Variants in DTNA observed in about 807,000 individuals in gnomAD.
DTNA encodes dystrobrevin alpha, also known as dystrophin-related protein 3.
Under a neutral mutation model 100.7 loss-of-function variants are expected in DTNA, and 43 were observed. The observed-to-expected ratio is 0.43, with a 90% CI of 0.33 to 0.55. The LOEUF is 0.55. DTNA is among the 20% of genes least tolerant of loss of function. The pLI is 0.04. For missense variants in DTNA, 798 were observed against 953.9 expected (o/e 0.84, Z 2.15); for synonymous variants, 349 against 347.9 (o/e 1.00, Z -0.04).
intron 9 of DTNA, among the ~76,000 whole-genome samples, chr18:34,824,234 G>T (rs2095797491): frequency 6.6e-6 from 1 of 152,166 alleles, no homozygotes; most frequent in African/African-American, 2.4e-5. Context: ...CCAGCACTTG[G>T]GGAGGCTGAG....
chr18:34,581,117 C>T (rs184015420), intron 1 of DTNA, among the ~76,000 whole-genome samples: 19 of 152,168 alleles, frequency 1.2e-4, no homozygotes, highest in African/African-American at 3.6e-4. Context: ...GGTGTGGTGG[C>T]GTGCGCCTGT....
intron 1 of DTNA, among the ~76,000 whole-genome samples, chr18:34,580,239 C>A (rs2048487149): frequency 6.6e-6 from 1 of 151,962 alleles, no homozygotes; most frequent in African/African-American, 2.4e-5. Context: ...TTCATTATAT[C>A]TTTTTAACAT....
intron 1 of DTNA, among the ~76,000 whole-genome samples, chr18:34,604,022 C>T (rs2052493185): frequency 6.6e-6 from 1 of 152,106 alleles, no homozygotes; most frequent in African/African-American, 2.4e-5. Context: ...ACAAAATGTC[C>T]ACGTTCCTAA....
At chr18:34,630,754 C>CAGCTGGA (rs1476598525) in intron 1 of DTNA, among the ~76,000 whole-genome samples, 5 of 151,846 alleles carry the variant, frequency 3.3e-5, no homozygotes, top group Admixed American at 2.6e-4. Flanking sequence ...TCTGTTCATG[C>CAGCTGGA]AGCTGGAAGG....
intron 1 of DTNA, among the ~76,000 whole-genome samples, chr18:34,591,181 G>T (rs9807484): frequency 0.1 from 15,638 of 151,352 alleles, 1,167 homozygotes; most frequent in African/African-American, 0.21. Flanking sequence ...TATTTGCCAC[G>T]TTAATATTTA....
chr18:34,593,084 G>C (rs905398338), intron 1 of DTNA, among the ~76,000 whole-genome samples: 12 of 152,166 alleles, frequency 7.9e-5, no homozygotes, highest in African/African-American at 2.9e-4. Flanking sequence ...GAAGCATAGT[G>C]AGTCCTCGGG....
intron 2 of DTNA, among the ~76,000 whole-genome samples, chr18:34,759,448 C>T (rs1239881431): frequency 1.3e-5 from 2 of 152,092 alleles, no homozygotes; most frequent in Non-Finnish European, 2.9e-5. Context: ...AAATCCATTC[C>T]CCTTAGATGC....
intron 1 of DTNA, among the ~76,000 whole-genome samples, chr18:34,654,659 C>T (rs1025847579): frequency 5.3e-5 from 8 of 152,170 alleles, no homozygotes; most frequent in African/African-American, 1.9e-4. Flanking sequence ...GATTTTATAA[C>T]TTATCTTCCA....
At chr18:34,663,215 A>G (rs1259412786) in intron 1 of DTNA, among the ~76,000 whole-genome samples, 1 of 152,100 alleles carries the variant, frequency 6.6e-6, no homozygotes, top group Non-Finnish European at 1.5e-5. Context: ...GTTCATTGGC[A>G]TGATCGTGGC....
At chr18:34,555,382 C>T (rs199986624) in intron 1 of DTNA, among the ~76,000 whole-genome samples, 1 of 150,560 alleles carries the variant, frequency 6.6e-6, no homozygotes, top group East Asian at 1.9e-4. Context: ...TCCTTCAGTT[C>T]TGCTCTGATT....
chr18:34,740,721 A>G (rs1476338600), intron 1 of DTNA, among the ~76,000 whole-genome samples: 1 of 152,032 alleles, frequency 6.6e-6, no homozygotes, highest in Non-Finnish European at 1.5e-5. Context: ...ATTTGAGCCC[A>G]GGAGGTCAAG....
chr18:34,675,647 A>C (rs1410790044), intron 1 of DTNA, among the ~76,000 whole-genome samples: 1 of 152,332 alleles, frequency 6.6e-6, no homozygotes, highest in East Asian at 1.9e-4. Flanking sequence ...ATTTCACCCT[A>C]CCTTGTTTAT....
chr18:34,708,828 C>G (rs1396874362), upstream of DTNA, among the ~76,000 whole-genome samples: 1 of 152,204 alleles, frequency 6.6e-6, no homozygotes, highest in East Asian at 1.9e-4. Context: ...ATGCTTCAAG[C>G]TTGGTGCTTC....
intron 1 of DTNA, among the ~76,000 whole-genome samples, chr18:34,566,916 A>G (rs1048544967): frequency 3.0e-4 from 45 of 152,360 alleles, no homozygotes; most frequent in African/African-American, 1.0e-3. Flanking sequence ...TTTCTCTGCA[A>G]TGACATCTGT....
At chr18:34,663,861 A>G (rs1379953946) in intron 1 of DTNA, among the ~76,000 whole-genome samples, 1 of 152,228 alleles carries the variant, frequency 6.6e-6, no homozygotes, top group Admixed American at 6.5e-5. Flanking sequence ...TTTTGTTATC[A>G]AAAATAATAC....
At chr18:34,655,914 T>A (rs1383521063) in intron 1 of DTNA, among the ~76,000 whole-genome samples, 27 of 152,200 alleles carry the variant, frequency 1.8e-4, no homozygotes, top group Non-Finnish European at 8.8e-5. Context: ...TTTTACCTAT[T>A]CTCTAACTCG....
chr18:34,611,437 C>A (rs1167419286), intron 1 of DTNA, among the ~76,000 whole-genome samples: 1 of 152,128 alleles, frequency 6.6e-6, no homozygotes, highest in Non-Finnish European at 1.5e-5. Context: ...AATCTTTATT[C>A]ATATGAACTC....
intron 14 of DTNA, 125 bp downstream of exon 14, chr18:34,848,508 T>C: frequency 9.4e-7 from 1 of 1,062,018 alleles, no homozygotes. Context: ...TTATTGTGCA[T>C]GTGTTTGTTG....
intron 2 of DTNA, among the ~76,000 whole-genome samples, chr18:34,763,731 A>T (rs1016574841): frequency 1.3e-5 from 2 of 152,242 alleles, no homozygotes; most frequent in African/African-American, 2.4e-5. Context: ...AGCCAGTCAC[A>T]GAACAGGGTG....
Sources: allele counts gnomAD v4.1 joint callset (sites outside exome capture counted in the v4.1 genomes callset), GRCh38; gene constraint gnomAD v4.1.1; transcripts MANE v1.5; gene names NCBI Gene and HGNC (gene_info 2026-07-23, HGNC 2026-07-21).